The following ZNF804A variants were observed in gnomAD, a reference collection of about 807,000 sequenced individuals.
The protein encoded by ZNF804A is zinc finger protein 804A.
In ZNF804A, 2 loss-of-function variants were observed where a neutral mutation model predicts 16.5. The ratio of observed to expected loss-of-function variants is 0.12; its 90% CI spans 0.05 to 0.38. ZNF804A has a LOEUF of 0.38. Among genes scored for constraint, ZNF804A ranks in the 10% least tolerant of loss-of-function variants. ZNF804A has a pLI of 0.99. For missense variants in ZNF804A, 1,473 were observed against 1,390.7 expected (o/e 1.06, Z -0.94); for synonymous variants, 534 against 489.6 (o/e 1.09, Z -1.20).
intron 1 of ZNF804A, among the ~76,000 whole-genome samples, chr2:184,686,970 T>C (rs542192197): frequency 3.3e-5 from 5 of 152,328 alleles, no homozygotes; most frequent in African/African-American, 1.2e-4. Flanking sequence ...TTTTCTCTGA[T>C]TCAGTAGGTT....
chr2:184,938,798 A>G lies in ZNF804A; in HGVS notation c.3402A>G (p.Gln1134=), dbSNP rs375077500. Residue 1134 remains glutamine (Q), a synonymous_variant, in exon 4 of 4, where the codon CAA becomes CAG. Coordinates refer to ENST00000302277, the MANE Select transcript of ZNF804A (RefSeq NM_194250.2). ...VLQPHQQFLS[Q]IPALTRTSLP... ...AGCCACACCAACAGTTTCTTTCCCA[A>G]ATCCCAGCTCTCACCAGAACCTCAT... 114 of 1,613,410 alleles carry G rather than the reference A, an allele frequency of 7.1e-5. No individual in the cohort carries two copies. The highest frequency in any genetic ancestry group is 8.6e-5 in the Non-Finnish European group (101 of 1,179,766).
chr2:184,855,448 C>A (rs1306865209), intron 1 of ZNF804A, among the ~76,000 whole-genome samples: 2 of 152,026 alleles, frequency 1.3e-5, no homozygotes. Flanking sequence ...TTCTTCTCCT[C>A]CTCCAGCTAT....
intron 1 of ZNF804A, among the ~76,000 whole-genome samples, chr2:184,715,252 A>G (rs1283478265): frequency 6.6e-6 from 1 of 152,186 alleles, no homozygotes; most frequent in Non-Finnish European, 1.5e-5. Context: ...TAGGTGACAC[A>G]GACATAAGTT....
chr2:184,755,404 A>G (rs1366068273), intron 1 of ZNF804A, among the ~76,000 whole-genome samples: 1 of 151,940 alleles, frequency 6.6e-6, no homozygotes, highest in Non-Finnish European at 1.5e-5. Flanking sequence ...CCAACAATGC[A>G]TTTAACTTGG....
chr2:184,718,068 G>A (rs1366139868), intron 1 of ZNF804A, among the ~76,000 whole-genome samples: 1 of 152,156 alleles, frequency 6.6e-6, no homozygotes, highest in Non-Finnish European at 1.5e-5. Flanking sequence ...ACAAAAGAAA[G>A]AGGTTTATTG....
At chr2:184,792,656 G>T (rs1694568229) in intron 1 of ZNF804A, among the ~76,000 whole-genome samples, 1 of 152,100 alleles carries the variant, frequency 6.6e-6, no homozygotes, top group Admixed American at 6.6e-5. Context: ...TCACAGAACA[G>T]AAATTTAATT....
chr2:184,638,813 A>T (rs1006353715), intron 1 of ZNF804A, among the ~76,000 whole-genome samples: 1 of 152,186 alleles, frequency 6.6e-6, no homozygotes, highest in African/African-American at 2.4e-5. Context: ...ATTGATGCTT[A>T]CCATACACCA....
intron 1 of ZNF804A, among the ~76,000 whole-genome samples, chr2:184,619,471 C>A (rs1691383873): frequency 6.6e-6 from 1 of 151,214 alleles, no homozygotes; most frequent in Non-Finnish European, 1.5e-5. Flanking sequence ...TTATTAATGG[C>A]AATAAAGGAA....
chr2:184,801,538 C>G (rs1694727483), intron 1 of ZNF804A, among the ~76,000 whole-genome samples: 2 of 152,124 alleles, frequency 1.3e-5, no homozygotes, highest in South Asian at 4.1e-4. Context: ...AACATATCTT[C>G]AAGCACACTG....
At chr2:184,672,752 C>G (rs1161175471) in intron 1 of ZNF804A, among the ~76,000 whole-genome samples, 1 of 119,396 alleles carries the variant, frequency 8.4e-6, no homozygotes, top group South Asian at 2.8e-4. Flanking sequence ...TTTTTCTTTT[C>G]TTTTTCTTTT....
intron 1 of ZNF804A, among the ~76,000 whole-genome samples, chr2:184,748,694 T>A (rs1016546475): frequency 1.3e-5 from 2 of 151,294 alleles, no homozygotes; most frequent in African/African-American, 2.4e-5. Flanking sequence ...TTCCTAGATT[T>A]TCTTCTAGGA....
intron 1 of ZNF804A, among the ~76,000 whole-genome samples, chr2:184,738,937 AAC>A (rs1170986928): frequency 6.6e-6 from 1 of 152,234 alleles, no homozygotes; most frequent in African/African-American, 2.4e-5. Flanking sequence ...ATGTTATCAA[AAC>A]AGTTAATTTA....
intron 1 of ZNF804A, among the ~76,000 whole-genome samples, chr2:184,813,324 C>A (rs1017308220): frequency 2.0e-5 from 3 of 151,832 alleles, no homozygotes; most frequent in African/African-American, 7.3e-5. Context: ...ATGAAGATAA[C>A]CAATATGAGA....
At chr2:184,806,097 A>C (rs1019235128) in intron 1 of ZNF804A, among the ~76,000 whole-genome samples, 2 of 151,808 alleles carry the variant, frequency 1.3e-5, no homozygotes, top group Non-Finnish European at 3.0e-5. Context: ...TTATAGTCAG[A>C]AAAAAAATTA....
In ZNF804A at chr2:184,866,488, T is replaced by C; in HGVS notation, c.231T>C (p.Asn77=). 6.2e-7 allele frequency: 1 copy of C among 1,611,180 alleles called. No individual in the cohort carries two copies. Among genetic ancestry groups the C allele is most frequent in the Non-Finnish European group, 8.5e-7 (1 of 1,178,884 alleles). The change falls in exon 2 of 4, where the codon AAT becomes AAC. Residue 77 remains asparagine (N), a synonymous_variant. Transcript: ENST00000302277. The stretch of plus-strand genomic sequence containing the variant: ...ACCAGGAGTTTGACAATCACATTAA[T>C]TCATATGACCATGCTCACAAGCAGG... ...YKHQEFDNHI[N]SYDHAHKQRL...
intron 1 of ZNF804A, among the ~76,000 whole-genome samples, chr2:184,783,632 G>C (rs1694406178): frequency 6.6e-6 from 1 of 151,756 alleles, no homozygotes; most frequent in Non-Finnish European, 1.5e-5. Flanking sequence ...ATCTATGAAT[G>C]GAAAACCTTA....
At chr2:184,678,094 C>T (rs1241480406) in intron 1 of ZNF804A, among the ~76,000 whole-genome samples, 4 of 152,020 alleles carry the variant, frequency 2.6e-5, no homozygotes, top group Non-Finnish European at 5.9e-5. Context: ...AATTTAACCA[C>T]AGATTTGACT....
At chr2:184,775,883 T>A (rs1282013510) in intron 1 of ZNF804A, among the ~76,000 whole-genome samples, 1 of 151,604 alleles carries the variant, frequency 6.6e-6, no homozygotes, top group Admixed American at 6.6e-5. Flanking sequence ...GTATTAGTAT[T>A]TCAGGGCTGA....
chr2:184,664,028 G>C (rs1692219688), intron 1 of ZNF804A, among the ~76,000 whole-genome samples: 1 of 152,182 alleles, frequency 6.6e-6, no homozygotes, highest in African/African-American at 2.4e-5. Context: ...CTAGTTTCAT[G>C]AAATTGGCTT....
Sources: allele counts gnomAD v4.1 joint callset (sites outside exome capture counted in the v4.1 genomes callset), GRCh38; gene constraint gnomAD v4.1.1; transcripts MANE v1.5; gene names NCBI Gene and HGNC (gene_info 2026-07-23, HGNC 2026-07-21).